Variants in SHLD1 observed in about 807,000 individuals in gnomAD.
The protein encoded by SHLD1 is RINN1-REV7-interacting novel NHEJ regulator 3.
Under a neutral mutation model 5.5 loss-of-function variants are expected in SHLD1, and 3 were observed. The ratio of observed to expected loss-of-function variants is 0.54; its 90% CI spans 0.25 to 1.40. SHLD1 has a LOEUF of 1.40. Ranked by LOEUF, SHLD1 falls within the 40% of genes most tolerant of loss-of-function variation. The pLI is 0.15. For missense variants in SHLD1, 210 were observed against 244.4 expected, an observed-to-expected ratio of 0.86 and a Z score of 0.94; for synonymous variants, 92 against 94.3, an observed-to-expected ratio of 0.98 and a Z score of 0.14.
At chr20:5,833,205 A>T (rs1389021354) in intron 2 of SHLD1, among the ~76,000 whole-genome samples, 1 of 152,096 alleles carries the variant, frequency 6.6e-6, no homozygotes, top group Admixed American at 6.5e-5. Flanking sequence ...GACTCCTCTG[A>T]GCTTGTCCCC....
At chr20:5,803,664 A>G (rs977074545) in intron 2 of SHLD1, among the ~76,000 whole-genome samples, 1 of 151,962 alleles carries the variant, frequency 6.6e-6, no homozygotes, top group African/African-American at 2.4e-5. Context: ...AGGTCAAGAG[A>G]TCGAGACCAT....
chr20:5,752,265 G>A (rs55833437), intron 1 of SHLD1, among the ~76,000 whole-genome samples: 3,745 of 152,106 alleles, frequency 0.025, 72 homozygotes, highest in Non-Finnish European at 0.039. Flanking sequence ...GCACGGTGGC[G>A]TGCGCCTGTA....
intron 2 of SHLD1, among the ~76,000 whole-genome samples, chr20:5,844,390 C>T (rs540267808): frequency 2.0e-5 from 3 of 152,338 alleles, no homozygotes; most frequent in Non-Finnish European, 4.4e-5. Flanking sequence ...CACCATCAGG[C>T]TCTCTGGAGG....
chr20:5,786,631 T>C (rs2087063869), intron 2 of SHLD1, among the ~76,000 whole-genome samples: 2 of 151,992 alleles, frequency 1.3e-5, no homozygotes, highest in Admixed American at 1.3e-4. Context: ...TGTTTGACTG[T>C]AGGTGATAAG....
intron 2 of SHLD1, among the ~76,000 whole-genome samples, chr20:5,790,879 A>G (rs951155457): frequency 4.6e-5 from 7 of 151,498 alleles, no homozygotes; most frequent in African/African-American, 1.7e-4. Flanking sequence ...AAAGACAGTC[A>G]TGGCTGAGCG....
Position 5,781,304 on chromosome 20 carries a change from G to A in SHLD1, c.178+8261G>A, listed in dbSNP as rs530620260. On this transcript the variant is annotated intron_variant, in intron 2 of 2. Coordinates refer to ENST00000303142, the MANE Select transcript of SHLD1 (RefSeq NM_152504.4). The stretch of plus-strand genomic sequence containing the variant: ...TCCCAGCACTTTGGGAGGTCAAGGT[G>A]GGAGGATTGCTTGAGCCCAGGAGTT... Among the ~76,000 whole-genome samples the A allele has an allele frequency of 1.3e-3, 193 of 152,262 alleles. 4 individuals carry two copies. Among genetic ancestry groups the A allele is most frequent in the African/African-American group, 4.5e-3 (188 of 41,562 alleles).
chr20:5,776,581 G>A (rs1400344230), intron 2 of SHLD1, among the ~76,000 whole-genome samples: 1 of 151,816 alleles, frequency 6.6e-6, no homozygotes, highest in African/African-American at 2.4e-5. Context: ...TGGCCAACAT[G>A]GTAAAACCCT....
At chr20:5,764,374 A>G (rs1277373273) in intron 1 of SHLD1, among the ~76,000 whole-genome samples, 1 of 150,986 alleles carries the variant, frequency 6.6e-6, no homozygotes, top group East Asian at 1.9e-4. Flanking sequence ...TGCTTCCTTC[A>G]GCTAACAGAG....
intron 1 of SHLD1, among the ~76,000 whole-genome samples, chr20:5,763,290 CAAAAAAA>C (rs57863188): frequency 1.7e-5 from 1 of 58,120 alleles, no homozygotes; most frequent in Non-Finnish European, 3.4e-5. Flanking sequence ...AACTCCATCT[CAAAAAAA>C]AAAAAAAAAA....
At chr20:5,766,565 C>A (rs1393420863) in intron 1 of SHLD1, among the ~76,000 whole-genome samples, 1 of 152,040 alleles carries the variant, frequency 6.6e-6, no homozygotes, top group Non-Finnish European at 1.5e-5. Flanking sequence ...AGATGTGTTT[C>A]CCTGGGCAAG....
rs1302600078 is a variant in SHLD1, at chr20:5,864,106, G to C, written c.*643G>C. 6.6e-6 allele frequency among the ~76,000 whole-genome samples: 1 copy of C among 152,182 alleles called. No homozygotes were observed. Among genetic ancestry groups the C allele is most frequent in the Non-Finnish European group, 1.5e-5 (1 of 68,026 alleles). On this transcript the variant is annotated 3_prime_UTR_variant, in exon 3 of 3. Transcript: ENST00000303142. ...AAAGATTGAAATACAGTTGAGAAAAGTATATCACATCTTGATCACACCCTT... is the reference window on the plus strand; with the variant it reads ...AAAGATTGAAATACAGTTGAGAAAACTATATCACATCTTGATCACACCCTT...
intron 2 of SHLD1, among the ~76,000 whole-genome samples, chr20:5,811,637 T>G (rs752868763): frequency 8.5e-5 from 13 of 152,106 alleles, no homozygotes; most frequent in Non-Finnish European, 1.6e-4. Flanking sequence ...GGAGGATTGC[T>G]TGAGCCCAGG....
intron 2 of SHLD1, among the ~76,000 whole-genome samples, chr20:5,824,991 C>T (rs1483614541): frequency 6.6e-6 from 1 of 152,152 alleles, no homozygotes; most frequent in African/African-American, 2.4e-5. Context: ...TGTTATACCC[C>T]AAAGAGAAGA....
intron 2 of SHLD1, among the ~76,000 whole-genome samples, chr20:5,813,576 G>C (rs964415651): frequency 3.3e-5 from 5 of 152,178 alleles, no homozygotes; most frequent in Non-Finnish European, 5.9e-5. Context: ...TGTAACAGCT[G>C]CTGCTGTGAA....
chr20:5,784,851 G>T (rs9679811), intron 2 of SHLD1, among the ~76,000 whole-genome samples: 31,237 of 152,088 alleles, frequency 0.21, 3,528 homozygotes, highest in Non-Finnish European at 0.26. Context: ...GGGGGAAGAG[G>T]CTTATTTACT....
chr20:5,844,126 G>A (rs1255427263), intron 2 of SHLD1, among the ~76,000 whole-genome samples: 2 of 152,212 alleles, frequency 1.3e-5, no homozygotes, highest in African/African-American at 4.8e-5. Flanking sequence ...TGGGAGGCAT[G>A]GGTGTTGAGA....
At chr20:5,777,416 T>C (rs183740988) in intron 2 of SHLD1, among the ~76,000 whole-genome samples, 1 of 152,202 alleles carries the variant, frequency 6.6e-6, no homozygotes, top group African/African-American at 2.4e-5. Flanking sequence ...ATGACAGAGC[T>C]GACTGAATCC....
chr20:5,760,248 G>T (rs1984383493), intron 1 of SHLD1, among the ~76,000 whole-genome samples: 1 of 152,154 alleles, frequency 6.6e-6, no homozygotes, highest in African/African-American at 2.4e-5. Flanking sequence ...GTGTGTGTGT[G>T]TGAGGGGGGC....
At chr20:5,777,505 G>A (rs1985484742) in intron 2 of SHLD1, among the ~76,000 whole-genome samples, 1 of 151,928 alleles carries the variant, frequency 6.6e-6, no homozygotes, top group Non-Finnish European at 1.5e-5. Context: ...CAGTATTGTG[G>A]TTCCCCTGGA....
Sources: allele counts gnomAD v4.1 joint callset (sites outside exome capture counted in the v4.1 genomes callset), GRCh38; gene constraint gnomAD v4.1.1; transcripts MANE v1.5; gene names NCBI Gene and HGNC (gene_info 2026-07-23, HGNC 2026-07-21).